FGF18: variants seen among roughly 807,000 people sequenced by gnomAD.
FGF18 encodes fibroblast growth factor 18.
Under a neutral mutation model 23.0 loss-of-function variants are expected in FGF18, and 5 were observed. That is an observed-to-expected ratio of 0.22 (90% confidence interval 0.11 to 0.46). The LOEUF is 0.46. FGF18 is among the 20% of genes least tolerant of loss of function. The pLI is 0.99. For synonymous variants in FGF18, 117 were observed against 118.9 expected (o/e 0.98, Z 0.10); for missense variants, 180 against 291.6 (o/e 0.62, Z 2.79).
chr5:171,423,349 A>C (rs1171657541), intron 2 of FGF18, among the ~76,000 whole-genome samples: 1 of 152,250 alleles, frequency 6.6e-6, no homozygotes, highest in Admixed American at 6.5e-5. Flanking sequence ...CGTGACCAGT[A>C]AATTGCTTTT....
Position 171,449,238 on chromosome 5 carries a change from C to G in FGF18, c.342C>G (p.Gly114=). The part of the protein sequence containing the change: ...TEFYLCMNRK[G]KLVGKPDGTS... ...TCTACCTGTGCATGAACCGCAAAGG[C>G]AAGCTCGTGGGGAAGGTGAGTGATG... Residue 114 remains glycine, a synonymous_variant, in exon 4 of 5, where the codon GGC becomes GGG. Transcript: ENST00000274625. 1.9e-6 allele frequency: 3 copies of G among 1,613,590 alleles called. No individual in the cohort carries two copies. Among genetic ancestry groups the G allele is most frequent in the Non-Finnish European group, 2.5e-6 (3 of 1,179,552 alleles).
At chr5:171,448,680 G>A (rs1561890478) in intron 3 of FGF18, among the ~76,000 whole-genome samples, 3 of 152,192 alleles carry the variant, frequency 2.0e-5, no homozygotes, top group Admixed American at 1.3e-4. Flanking sequence ...TTGCATGGCC[G>A]CCTGTCCTGC....
At position 171,449,410 on chromosome 5, in the gene FGF18, A is replaced by T. The variant is rs969395443; in HGVS notation, c.357+157A>T. Among the ~76,000 whole-genome samples, 470 of 95,048 alleles carry T rather than the reference A, an allele frequency of 4.9e-3. 7 individuals are homozygous for T. Among genetic ancestry groups the T allele is most frequent in the African/African-American group, 0.012 (383 of 30,802 alleles). 62.4% of individuals were successfully genotyped at this position (95,048 alleles called of 152,430 possible). ...GTGTGTGTGTGTGTGTGAGAGAGAG[A>T]GAGAGAGAGAGAGACAGGAGAGAGA... On this transcript the variant is annotated intron_variant, in intron 4 of 4. Coordinates refer to ENST00000274625, the MANE Select transcript of FGF18 (RefSeq NM_003862.3).
At chr5:171,429,298 CTT>C (rs1335426298) in intron 2 of FGF18, among the ~76,000 whole-genome samples, 1 of 152,116 alleles carries the variant, frequency 6.6e-6, no homozygotes, top group Non-Finnish European at 1.5e-5. Context: ...CTGTGTCTTC[CTT>C]TGTCACCTGG....
chr5:171,420,478 C>T (rs199542906), intron 2 of FGF18, 35 bp downstream of exon 2: 3 of 1,605,672 alleles, frequency 1.9e-6, no homozygotes, highest in South Asian at 2.2e-5. Flanking sequence ...TCCTCCCGCC[C>T]CTGCCTCGCG....
intron 2 of FGF18, among the ~76,000 whole-genome samples, chr5:171,424,136 C>A (rs1371338555): frequency 6.6e-6 from 1 of 152,150 alleles, no homozygotes; most frequent in South Asian, 2.1e-4. Context: ...TTGCTGGGAG[C>A]CTGCTTCTTG....
intron 2 of FGF18, among the ~76,000 whole-genome samples, chr5:171,423,385 GAC>G (rs1772045739): frequency 6.6e-6 from 1 of 152,242 alleles, no homozygotes. Flanking sequence ...CTCTGACAAT[GAC>G]ACCGGGCTGG....
chr5:171,440,501 A>AG lies in FGF18; in HGVS notation c.250+4232dup. Among the ~76,000 whole-genome samples, 1 of 152,192 alleles carries AG rather than the reference A, an allele frequency of 6.6e-6. No homozygotes were observed. Among genetic ancestry groups the AG allele is most frequent in the East Asian group, 1.9e-4 (1 of 5,182 alleles). ...ACGTAAATTACCAAGCCCAAGCACCAGGGGAGGGGGCTACTGTGGTGAGTG... is the reference window on the plus strand; with the variant it reads ...ACGTAAATTACCAAGCCCAAGCACCAGGGGGAGGGGGCTACTGTGGTGAGTG... On this transcript the variant is annotated intron_variant, in intron 3 of 4. Coordinates refer to ENST00000274625, the MANE Select transcript of FGF18 (RefSeq NM_003862.3). The surrounding 1 kb of genome is among the most constrained non-coding windows in gnomAD (Gnocchi z 4.0).
At chr5:171,449,816 G>T (rs1772472239) in intron 4 of FGF18, among the ~76,000 whole-genome samples, 1 of 151,944 alleles carries the variant, frequency 6.6e-6, no homozygotes, top group Admixed American at 6.5e-5. Flanking sequence ...AACAAATTAG[G>T]GTGGGGGCAG....
chr5:171,452,254 C>A (rs1772527187), intron 4 of FGF18, among the ~76,000 whole-genome samples: 1 of 152,190 alleles, frequency 6.6e-6, no homozygotes, highest in African/African-American at 2.4e-5. Context: ...GTCCCTTTCC[C>A]CTTTGGAGCC....
chr5:171,437,091 C>T (rs1462921264), intron 3 of FGF18, among the ~76,000 whole-genome samples: 1 of 152,224 alleles, frequency 6.6e-6, no homozygotes, highest in African/African-American at 2.4e-5. Flanking sequence ...CCTGCCCCCA[C>T]CCATTCCTGC....
At chr5:171,450,711 A>AG (rs1315250266) in intron 4 of FGF18, among the ~76,000 whole-genome samples, 2 of 151,476 alleles carry the variant, frequency 1.3e-5, no homozygotes, top group African/African-American at 4.8e-5. Flanking sequence ...CCGGCCGGCG[A>AG]GGGGGGTCGG....
chr5:171,442,994 C>T (rs1454648339), intron 3 of FGF18, among the ~76,000 whole-genome samples: 1 of 152,212 alleles, frequency 6.6e-6, no homozygotes, highest in Non-Finnish European at 1.5e-5. Flanking sequence ...AAATCCTGGT[C>T]CTACTGTGAG....
rs1370055811 is a variant in FGF18, at chr5:171,440,443, G to C, written c.250+4170G>C. Among the ~76,000 whole-genome samples, 2 of 152,108 alleles carry C rather than the reference G, an allele frequency of 1.3e-5. No homozygotes were observed. Among genetic ancestry groups the C allele is most frequent in the Non-Finnish European group, 2.9e-5 (2 of 68,020 alleles). ...AGGAGGGCCTTTGGCTCCCCTGATT[G>C]CGTGTGTCTCCCCTCAGTCCCTTAT... On this transcript the variant is annotated intron_variant, in intron 3 of 4. Transcript: ENST00000274625. This position sits in a 1 kb window ranked among gnomAD's most constrained non-coding sequence, Gnocchi z 4.0.
intron 3 of FGF18, among the ~76,000 whole-genome samples, chr5:171,445,534 G>T (rs756870061): frequency 4.1e-4 from 60 of 146,598 alleles, no homozygotes; most frequent in Admixed American, 6.8e-4. Flanking sequence ...AATTTTTGTG[G>T]TTTTTTTTTT....
At chr5:171,444,785 G>A (rs1254160669) in intron 3 of FGF18, among the ~76,000 whole-genome samples, 2 of 152,214 alleles carry the variant, frequency 1.3e-5, no homozygotes, top group Non-Finnish European at 2.9e-5. Flanking sequence ...TCATTAGCCA[G>A]TGAATGGTGT....
In FGF18 at chr5:171,456,477, G is replaced by A. The variant is rs1163808861; in HGVS notation, c.358-62G>A. 11 of 1,528,544 alleles carry A rather than the reference G, an allele frequency of 7.2e-6. No individual in the cohort carries two copies. Among genetic ancestry groups the A allele is most frequent in the Non-Finnish European group, 9.8e-6 (11 of 1,120,146 alleles). The allele number at this position is 1,528,544 out of a possible 1,614,324, so 94.7% of individuals were successfully genotyped here. A position where few individuals can be genotyped will look rare whatever the true frequency, so the allele number is the denominator to read the frequency against. ...GGTCCTGAATAAAACCTTCCTCGCT[G>A]TGCTTTGGCAAGCATAACTGAGTCA... On this transcript the variant is annotated intron_variant, in intron 4 of 4. Coordinates refer to ENST00000274625, the MANE Select transcript of FGF18 (RefSeq NM_003862.3). This position sits in a 1 kb window ranked among gnomAD's most constrained non-coding sequence, Gnocchi z 6.1.
At chr5:171,439,350 C>G (rs1374125163) in intron 3 of FGF18, among the ~76,000 whole-genome samples, 1 of 152,218 alleles carries the variant, frequency 6.6e-6, no homozygotes, top group African/African-American at 2.4e-5. Flanking sequence ...AAGGGACTTT[C>G]TTAGCCTTGC....
intron 3 of FGF18, among the ~76,000 whole-genome samples, chr5:171,443,429 G>A (rs146891372): frequency 9.1e-4 from 131 of 143,392 alleles, no homozygotes; most frequent in African/African-American, 3.1e-3. Context: ...CCGGCCCCAC[G>A]TTCACACTCT....
Sources: allele counts gnomAD v4.1 joint callset (sites outside exome capture counted in the v4.1 genomes callset), GRCh38; gene constraint gnomAD v4.1.1; non-coding constraint Gnocchi (gnomAD v3.1); transcripts MANE v1.5; gene names NCBI Gene and HGNC (gene_info 2026-07-23, HGNC 2026-07-21).